Variants in LRRC37A2 observed in about 807,000 individuals in gnomAD.
The protein encoded by LRRC37A2 is leucine rich repeat containing 37 member A2.
LRRC37A2 carries 9 observed loss-of-function variants against 68.8 expected under a neutral mutation model. The observed-to-expected ratio is 0.13, with a 90% CI of 0.08 to 0.23. LRRC37A2 has a LOEUF of 0.23. Ranked by LOEUF, LRRC37A2 falls within the 10% of genes least tolerant of loss-of-function variation. The pLI is 1.00. For synonymous variants in LRRC37A2, 63 were observed against 367.6 expected, an observed-to-expected ratio of 0.17 and a Z score of 9.48; for missense variants, 168 against 950.4, an observed-to-expected ratio of 0.18 and a Z score of 10.82.
the LRRC37A2 span, among the ~76,000 whole-genome samples, chr17:46,780,441 A>C: frequency 1.3e-5 from 2 of 152,238 alleles, no homozygotes; most frequent in African/African-American, 4.8e-5. Flanking sequence ...TTAAACATAG[A>C]ATCACCCTAT....
At chr17:46,541,603 C>A (rs2055332745) in intron 8 of LRRC37A2, among the ~76,000 whole-genome samples, 1 of 150,846 alleles carries the variant, frequency 6.6e-6, no homozygotes, top group Non-Finnish European at 1.5e-5. Flanking sequence ...GTTGTTGCAC[C>A]TATCACTACA....
the LRRC37A2 span, among the ~76,000 whole-genome samples, chr17:46,771,241 C>T: frequency 2.6e-5 from 4 of 152,142 alleles, no homozygotes; most frequent in Non-Finnish European, 4.4e-5. Context: ...CCTGCGCTGC[C>T]AGGGCCGACC....
chr17:46,989,746 T>C, the LRRC37A2 span, among the ~76,000 whole-genome samples: 1 of 152,250 alleles, frequency 6.6e-6, no homozygotes, highest in Admixed American at 6.5e-5. Context: ...CTGGTCCTCT[T>C]CAAACACTCA....
chr17:46,872,623 C>A, the LRRC37A2 span: 4 of 1,613,266 alleles, frequency 2.5e-6, no homozygotes, highest in Non-Finnish European at 2.5e-6. Context: ...GAAGCTGTCC[C>A]GGCGGCAGAA....
At chr17:46,846,080 C>T in the LRRC37A2 span, among the ~76,000 whole-genome samples, 62 of 152,252 alleles carry the variant, frequency 4.1e-4, no homozygotes, top group East Asian at 7.7e-4. Flanking sequence ...TGTGAACCAC[C>T]GTGCCCGGCC....
At chr17:46,913,732 A>C in the LRRC37A2 span, among the ~76,000 whole-genome samples, 9 of 152,178 alleles carry the variant, frequency 5.9e-5, no homozygotes, top group Non-Finnish European at 1.0e-4. Context: ...TAGCATGGCA[A>C]GGCACCAACT....
chr17:46,622,287 C>G, the LRRC37A2 span, among the ~76,000 whole-genome samples: 1 of 145,868 alleles, frequency 6.9e-6, no homozygotes, highest in South Asian at 2.1e-4. Context: ...GAAACCCTGT[C>G]TCTGATGAAA....
chr17:46,955,910 C>T, the LRRC37A2 span, among the ~76,000 whole-genome samples: 1 of 152,200 alleles, frequency 6.6e-6, no homozygotes. Flanking sequence ...GTGTCTCCAT[C>T]AGACTAGCAA....
At chr17:46,733,635 G>T in the LRRC37A2 span, among the ~76,000 whole-genome samples, 7 of 152,094 alleles carry the variant, frequency 4.6e-5, no homozygotes, top group African/African-American at 1.7e-4. Flanking sequence ...GATACACTTG[G>T]GTAAGTGGAT....
the LRRC37A2 span, chr17:46,923,745 T>C: frequency 2.3e-6 from 1 of 436,448 alleles, no homozygotes; most frequent in African/African-American, 2.0e-5. Context: ...TTGTTAATCG[T>C]ATCTGGTTAC....
the LRRC37A2 span, among the ~76,000 whole-genome samples, chr17:46,869,578 C>T: frequency 6.6e-6 from 1 of 152,220 alleles, no homozygotes; most frequent in South Asian, 2.1e-4. Context: ...CTGGGTCTGG[C>T]TCCCAAGTGC....
chr17:46,875,339 C>T, the LRRC37A2 span: 306 of 1,610,756 alleles, frequency 1.9e-4, 1 homozygote, highest in African/African-American at 2.3e-3. Context: ...CACGGGCAGA[C>T]GCCCACAATA....
chr17:46,490,093 A>C, the LRRC37A2 span, among the ~76,000 whole-genome samples: 2 of 151,054 alleles, frequency 1.3e-5, no homozygotes, highest in East Asian at 3.9e-4. Context: ...TCACCTGTAC[A>C]GTATAGGATG....
the LRRC37A2 span, among the ~76,000 whole-genome samples, chr17:46,806,407 C>T: frequency 6.6e-6 from 1 of 151,996 alleles, no homozygotes. Flanking sequence ...TGGGGTTTAT[C>T]CATGTTGGTC....
chr17:46,768,457 C>T, the LRRC37A2 span: 2 of 1,614,026 alleles, frequency 1.2e-6, no homozygotes, highest in African/African-American at 1.3e-5. This position sits in a 1 kb window ranked among gnomAD's most constrained non-coding sequence, Gnocchi z 5.0. Context: ...CAGAGCAGAT[C>T]GCAGCCATCG....
chr17:46,779,893 G>A, the LRRC37A2 span, among the ~76,000 whole-genome samples: 2 of 152,206 alleles, frequency 1.3e-5, no homozygotes, highest in South Asian at 4.1e-4. Context: ...CAAGTAGCTG[G>A]GATAAGAGGC....
chr17:46,849,492 C>T, the LRRC37A2 span, among the ~76,000 whole-genome samples: 29 of 152,332 alleles, frequency 1.9e-4, no homozygotes, highest in African/African-American at 6.5e-4. Flanking sequence ...CCACCCCAGT[C>T]CATGGCTCTT....
chr17:46,777,083 G>A, the LRRC37A2 span, among the ~76,000 whole-genome samples: 1 of 152,188 alleles, frequency 6.6e-6, no homozygotes, highest in Admixed American at 6.5e-5. Flanking sequence ...GGTGGCTCAC[G>A]CCTGTAATCC....
the LRRC37A2 span, among the ~76,000 whole-genome samples, chr17:46,720,041 C>T: frequency 1.3e-5 from 2 of 152,324 alleles, no homozygotes; most frequent in East Asian, 3.9e-4. Context: ...GTAGTCTGCA[C>T]AGAACAGAAT....
Sources: allele counts gnomAD v4.1 joint callset (sites outside exome capture counted in the v4.1 genomes callset), GRCh38; gene constraint gnomAD v4.1.1; non-coding constraint Gnocchi (gnomAD v3.1); transcripts MANE v1.5; gene names NCBI Gene and HGNC (gene_info 2026-07-23, HGNC 2026-07-21).